Variants in PLEKHA7 observed in about 807,000 individuals in gnomAD.
PLEKHA7 encodes the protein pleckstrin homology domain-containing family A member 7.
A neutral mutation model predicts 170.0 loss-of-function variants in PLEKHA7; 104 were observed. That is an observed-to-expected ratio of 0.61 (90% CI 0.52 to 0.72). The LOEUF (loss-of-function observed/expected upper bound fraction) is 0.72, where lower values mean the gene tolerates loss of function less well. Among genes scored for constraint, PLEKHA7 ranks in the 30% least tolerant of loss-of-function variants. The probability of loss-of-function intolerance (pLI) is 0.00; values close to 1 mark genes in which losing one functional copy is unlikely to be tolerated. For missense variants in PLEKHA7, 1,615 were observed against 1,671.7 expected, an observed-to-expected ratio of 0.97 and a Z score of 0.59; for synonymous variants, 648 against 660.8, an observed-to-expected ratio of 0.98 and a Z score of 0.30.
intron 4 of PLEKHA7, among the ~76,000 whole-genome samples, chr11:16,859,383 ATGG>A (rs2135512677): frequency 6.6e-6 from 1 of 152,356 alleles, no homozygotes; most frequent in East Asian, 1.9e-4. Flanking sequence ...GTTAAAAAAA[ATGG>A]TGGTCGTGCT....
Position 16,786,305 on chromosome 11 carries a change from C to T in PLEKHA7, c.3440G>A (p.Trp1147Ter). Residue 1147 changes from tryptophan to a stop codon, truncating the protein, a stop_gained, in exon 24 of 27, where the codon TGG (tryptophan) becomes TAG (stop). Transcript: ENST00000531066. LOFTEE classifies it high-confidence loss of function. The part of the protein sequence containing the change: ...GEKKDKEENG[W>*]LKVQAMPVTE... ...GACAGGCATGGCCTGCACTTTCAAC[C>T]AGCCATTCTCCTCCTTGTCCTTTTT... The T allele has an allele frequency of 6.5e-7, 1 of 1,536,162 alleles. No individual in the cohort carries two copies. The highest frequency in any genetic ancestry group is 8.7e-7 in the Non-Finnish European group (1 of 1,146,900).
At chr11:16,932,545 A>C (rs1375309400) in intron 3 of PLEKHA7, among the ~76,000 whole-genome samples, 1 of 152,172 alleles carries the variant, frequency 6.6e-6, no homozygotes, top group Non-Finnish European at 1.5e-5. Flanking sequence ...TGGGCCTCCC[A>C]AAGTGTTGGG....
chr11:16,983,292 G>T (rs560207917), intron 3 of PLEKHA7, among the ~76,000 whole-genome samples: 88 of 152,346 alleles, frequency 5.8e-4, no homozygotes, highest in African/African-American at 2.1e-3. Flanking sequence ...AACTCTCCCT[G>T]TTATACAAAG....
chr11:16,927,752 T>C (rs1859665299), intron 3 of PLEKHA7, among the ~76,000 whole-genome samples: 1 of 152,226 alleles, frequency 6.6e-6, no homozygotes, highest in Non-Finnish European at 1.5e-5. Context: ...CAAGAATTTA[T>C]CCAGAATACT....
chr11:16,908,558 C>T (rs1038362718), intron 3 of PLEKHA7, among the ~76,000 whole-genome samples: 1 of 151,618 alleles, frequency 6.6e-6, no homozygotes, highest in African/African-American at 2.4e-5. Context: ...TGCAGTGGCG[C>T]AAACTCGGCT....
At chr11:16,992,142 G>T (rs1256217474) in intron 3 of PLEKHA7, among the ~76,000 whole-genome samples, 1 of 152,144 alleles carries the variant, frequency 6.6e-6, no homozygotes, top group African/African-American at 2.4e-5. Flanking sequence ...TGAAAGCTAC[G>T]TGACTCTGTG....
intron 3 of PLEKHA7, among the ~76,000 whole-genome samples, chr11:16,909,798 T>G (rs192121693): frequency 3.3e-4 from 51 of 152,344 alleles, no homozygotes; most frequent in Admixed American, 1.3e-3. Flanking sequence ...CATGTATGAA[T>G]TAACCATGCT....
chr11:16,816,181 T>C lies in PLEKHA7; in HGVS notation c.1950A>G (p.Lys650=). ...TATGTCTTGTCATTCACCCTACCGA[T>C]TTTCCATGTAAACTGGGAGCGCTGA... The part of the protein sequence containing the change: ...HTVSAPSLHG[K]SADDTYLQLK... The change falls in exon 12 of 27, where the codon AAA becomes AAG. Residue 650 remains lysine, a synonymous_variant. Coordinates refer to ENST00000531066, the MANE Select transcript of PLEKHA7 (RefSeq NM_001329630.2). The C allele has an allele frequency of 6.2e-7, 1 of 1,610,902 alleles. No individual in the cohort carries two copies. The highest frequency in any genetic ancestry group is 1.1e-5 in the South Asian group (1 of 91,006).
At chr11:16,879,126 G>A (rs2135767284) in intron 3 of PLEKHA7, among the ~76,000 whole-genome samples, 1 of 152,292 alleles carries the variant, frequency 6.6e-6, no homozygotes, top group East Asian at 1.9e-4. Context: ...GCGTGAACTG[G>A]GAGAGTGTTT....
intron 3 of PLEKHA7, among the ~76,000 whole-genome samples, chr11:16,957,798 G>A (rs1861800853): frequency 6.7e-6 from 1 of 149,362 alleles, no homozygotes; most frequent in South Asian, 2.1e-4. Flanking sequence ...CCACCTCCTG[G>A]GTTCAAGCAA....
intron 3 of PLEKHA7, among the ~76,000 whole-genome samples, chr11:16,961,898 G>A (rs774396365): frequency 3.0e-4 from 45 of 152,198 alleles, no homozygotes; most frequent in Non-Finnish European, 6.2e-4. Context: ...GCTGCTGTGA[G>A]ATAACATGAG....
chr11:16,858,887 C>T (rs1412478390), intron 4 of PLEKHA7, among the ~76,000 whole-genome samples: 1 of 152,194 alleles, frequency 6.6e-6, no homozygotes, highest in Non-Finnish European at 1.5e-5. Flanking sequence ...CATATTCTAA[C>T]TCCACGTCTC....
intron 23 of PLEKHA7, chr11:16,787,996 T>C (rs1849517626): frequency 6.6e-6 from 1 of 152,260 alleles, no homozygotes; most frequent in Non-Finnish European, 1.5e-5. Flanking sequence ...CCATAAGAAA[T>C]TGTGTGATTG....
chr11:16,935,496 C>G (rs138799636), intron 3 of PLEKHA7, among the ~76,000 whole-genome samples: 110 of 152,306 alleles, frequency 7.2e-4, no homozygotes, highest in Non-Finnish European at 9.8e-4. Context: ...CACTGCTATT[C>G]TCTGGTGTCC....
At chr11:16,967,239 G>A (rs376663770) in intron 3 of PLEKHA7, among the ~76,000 whole-genome samples, 83 of 152,298 alleles carry the variant, frequency 5.4e-4, no homozygotes, top group African/African-American at 1.9e-3. Flanking sequence ...GGCTTTGCTA[G>A]TTAAAGTTTA....
intron 3 of PLEKHA7, among the ~76,000 whole-genome samples, chr11:16,957,360 C>T (rs750591303): frequency 6.6e-6 from 1 of 152,178 alleles, no homozygotes; most frequent in Non-Finnish European, 1.5e-5. Flanking sequence ...GATGAGAAGA[C>T]CTCATGCTGA....
At chr11:16,926,781 C>T (rs1205722580) in intron 3 of PLEKHA7, among the ~76,000 whole-genome samples, 1 of 152,168 alleles carries the variant, frequency 6.6e-6, no homozygotes, top group Non-Finnish European at 1.5e-5. Context: ...GGCTTTTATC[C>T]AGGTGGGGCA....
rs1405688193 is a variant in PLEKHA7 at position 16,786,864 on chromosome 11, T to A, written c.3358-477A>T. 5 of 985,356 alleles carry A rather than the reference T, an allele frequency of 5.1e-6. No homozygotes were observed. The African/African-American group carries it at 7.0e-5, about 14-fold the overall frequency. The allele number at this position is 985,356 out of a possible 1,614,324, so 61.0% of individuals were successfully genotyped here. A position where few individuals can be genotyped will look rare whatever the true frequency, so the allele number is the denominator to read the frequency against. ...TTTCTATTGGGAATTTTCAACAAGA[T>A]AACATTCGTAGGTGGGGGATCTCGC... On this transcript the variant is annotated intron_variant, in intron 23 of 26. Coordinates refer to ENST00000531066, the MANE Select transcript of PLEKHA7 (RefSeq NM_001329630.2).
chr11:16,951,264 A>T (rs1333141219), intron 3 of PLEKHA7, among the ~76,000 whole-genome samples: 3 of 152,160 alleles, frequency 2.0e-5, no homozygotes, highest in Non-Finnish European at 4.4e-5. Flanking sequence ...TCCTCCATGC[A>T]GCATGGGGAA....
Sources: gnomAD v4.1 joint callset for allele counts (sites outside exome capture counted in the v4.1 genomes callset) on GRCh38, gnomAD v4.1.1 for gene constraint, MANE v1.5 for transcripts, NCBI Gene and HGNC (gene_info 2026-07-23, HGNC 2026-07-21) for gene names.